Variants in LCORL observed in about 807,000 individuals in gnomAD.
LCORL encodes ligand-dependent nuclear receptor corepressor-like protein.
Under a neutral mutation model 141.8 loss-of-function variants are expected in LCORL, and 41 were observed. The observed-to-expected ratio is 0.29, with a 90% CI of 0.23 to 0.38. The LOEUF (loss-of-function observed/expected upper bound fraction) is 0.38, where lower values mean the gene tolerates loss of function less well. LCORL is among the 10% of genes least tolerant of loss of function. The probability of loss-of-function intolerance (pLI) is 1.00; values close to 1 mark genes in which losing one functional copy is unlikely to be tolerated. For synonymous variants in LCORL, 618 were observed against 694.1 expected, an observed-to-expected ratio of 0.89 and a Z score of 1.72; for missense variants, 1,759 against 2,035.0, an observed-to-expected ratio of 0.86 and a Z score of 2.61.
At chr4:17,891,584 T>C (rs1226060116) in intron 5 of LCORL, among the ~76,000 whole-genome samples, 1 of 152,136 alleles carries the variant, frequency 6.6e-6, no homozygotes, top group Admixed American at 6.6e-5. Flanking sequence ...CAGTAAGGCA[T>C]TAATAAAGCA....
intron 1 of LCORL, among the ~76,000 whole-genome samples, chr4:17,995,832 A>G (rs999298963): frequency 3.3e-5 from 5 of 152,088 alleles, no homozygotes; most frequent in African/African-American, 1.2e-4. Flanking sequence ...ATGAATATGG[A>G]GTGAAGACTC....
rs1014244534 is a variant in LCORL, at chr4:17,895,121, T to C, written c.683-8960A>G. ...CATACATGTATACATGTACACATTG[T>C]ACAGTAATCAGTGTAATTAGCATAT... On this transcript the variant is annotated intron_variant, in intron 5 of 7. Transcript: ENST00000635767. Among the ~76,000 whole-genome samples the C allele has an allele frequency of 5.9e-5, 9 of 152,102 alleles. No individual in the cohort carries two copies. In the South Asian group the frequency reaches 1.9e-3, roughly 32 times the overall value.
chr4:17,988,686 T>TA (rs1360429513), intron 1 of LCORL, among the ~76,000 whole-genome samples: 2 of 152,218 alleles, frequency 1.3e-5, no homozygotes, highest in African/African-American at 4.8e-5. Flanking sequence ...GATGTTAACT[T>TA]AAAAATAATC....
intron 1 of LCORL, among the ~76,000 whole-genome samples, chr4:17,985,509 C>G (rs1003358239): frequency 1.3e-5 from 2 of 152,058 alleles, no homozygotes; most frequent in African/African-American, 2.4e-5. Context: ...GAACCCTTTA[C>G]CCTTATTTAA....
chr4:17,846,594 C>T (rs548230412), intron 7 of LCORL, among the ~76,000 whole-genome samples: 1 of 152,208 alleles, frequency 6.6e-6, no homozygotes, highest in Non-Finnish European at 1.5e-5. Flanking sequence ...AAAAAATTTC[C>T]AAGAATTTTT....
chr4:17,883,912 G>A (rs1394370069), intron 6 of LCORL: 12 of 1,550,474 alleles, frequency 7.7e-6, no homozygotes, highest in South Asian at 1.2e-5. Context: ...TCATTTTTCC[G>A]CTCATTACCA....
chr4:17,873,510 A>T (rs1726592408), exon 7 of LCORL: 1 of 1,233,944 alleles, frequency 8.1e-7, no homozygotes, highest in Non-Finnish European at 1.0e-6. Flanking sequence ...ATTGCTAAGA[A>T]CTTCAAAACT....
At chr4:17,971,345 A>T (rs986107982) in intron 2 of LCORL, among the ~76,000 whole-genome samples, 5 of 151,876 alleles carry the variant, frequency 3.3e-5, no homozygotes, top group African/African-American at 4.8e-5. Context: ...TCTTCAGTCT[A>T]ACAATTCTTC....
exon 7 of LCORL, chr4:17,876,779 T>C: frequency 8.1e-7 from 1 of 1,230,788 alleles, no homozygotes; most frequent in Non-Finnish European, 1.0e-6. Flanking sequence ...CATCTGCAGA[T>C]TTCTCCTGTG....
chr4:17,900,271 A>T (rs1206736812), intron 5 of LCORL, among the ~76,000 whole-genome samples: 1 of 152,166 alleles, frequency 6.6e-6, no homozygotes, highest in African/African-American at 2.4e-5. Context: ...CACATTCTAT[A>T]ATCTCACCTT....
intron 5 of LCORL, among the ~76,000 whole-genome samples, chr4:17,906,835 TGC>T (rs1731730849): frequency 1.3e-5 from 2 of 152,028 alleles, no homozygotes; most frequent in African/African-American, 4.8e-5. Flanking sequence ...TACAGGCATG[TGC>T]CACCACGCCC....
chr4:18,010,164 C>G lies in LCORL; in HGVS notation c.154+11434G>C, dbSNP rs1049324550. Among the ~76,000 whole-genome samples the G allele has an allele frequency of 4.6e-5, 7 of 152,086 alleles. No homozygotes were observed. In the South Asian group the frequency reaches 6.2e-4, roughly 14 times the overall value. On this transcript the variant is annotated intron_variant, in intron 1 of 7. Transcript: ENST00000635767. ...CTCTATTCTTTTACACTAATTCCTT[C>G]TAAGTTTAAAAAGTTAATTGAAAAT...
intron 1 of LCORL, among the ~76,000 whole-genome samples, chr4:17,999,003 TACACAC>T (rs1164083963): frequency 0.012 from 745 of 64,374 alleles, 3 homozygotes; most frequent in African/African-American, 0.022. Flanking sequence ...TATATATATA[TACACAC>T]ATATATATAT....
chr4:18,013,003 T>A (rs982647571), intron 1 of LCORL, among the ~76,000 whole-genome samples: 7 of 152,214 alleles, frequency 4.6e-5, no homozygotes, highest in Non-Finnish European at 8.8e-5. Context: ...CATATCTTAA[T>A]TACTTTCTAA....
chr4:17,924,508 G>A (rs1366591734), intron 4 of LCORL, among the ~76,000 whole-genome samples: 1 of 152,164 alleles, frequency 6.6e-6, no homozygotes, highest in Non-Finnish European at 1.5e-5. Context: ...GCTACTTGGT[G>A]GAAGGTTGAT....
rs760613319 is a variant in LCORL, at chr4:17,959,389, G to C, written c.430+2514C>G. ...TTCATTTTTTGAACTTCTTCTGGAC[G>C]GCTCAAATGTTCAGCACACAGAGCT... On this transcript the variant is annotated intron_variant, in intron 4 of 7. Transcript: ENST00000635767. Among the ~76,000 whole-genome samples the C allele has an allele frequency of 5.9e-5, 9 of 151,910 alleles. No homozygotes were observed. The South Asian group carries it at 1.9e-3, about 31-fold the overall frequency.
At chr4:18,011,309 G>T (rs1483555447) in intron 1 of LCORL, among the ~76,000 whole-genome samples, 1 of 151,580 alleles carries the variant, frequency 6.6e-6, no homozygotes, top group Non-Finnish European at 1.5e-5. Context: ...GATTTAAAAG[G>T]GCTGCTTTAA....
intron 6 of LCORL, chr4:17,881,043 A>G: frequency 2.0e-6 from 2 of 981,142 alleles, no homozygotes; most frequent in Non-Finnish European, 2.4e-6. Context: ...AATCAGTCTC[A>G]CTAAAGTTAG....
chr4:17,893,358 C>T (rs920226450), intron 5 of LCORL: 1 of 945,784 alleles, frequency 1.1e-6, no homozygotes, highest in African/African-American at 1.8e-5. Context: ...TCCTTCCATA[C>T]TATTGAGCTA....
Sources: gnomAD v4.1 joint callset for allele counts (sites outside exome capture counted in the v4.1 genomes callset) on GRCh38, gnomAD v4.1.1 for gene constraint, MANE v1.5 for transcripts, NCBI Gene and HGNC (gene_info 2026-07-23, HGNC 2026-07-21) for gene names.